Variants in CAMK2D observed in about 807,000 individuals in gnomAD.
The protein encoded by CAMK2D is calcium/calmodulin dependent protein kinase II delta.
In CAMK2D, 37 loss-of-function variants were observed where a neutral mutation model predicts 84.0. That is an observed-to-expected ratio of 0.44 (90% CI 0.34 to 0.58). The LOEUF (loss-of-function observed/expected upper bound fraction) is 0.58, where lower values mean the gene tolerates loss of function less well. CAMK2D is among the 20% of genes least tolerant of loss of function. CAMK2D has a pLI of 0.02. For missense variants in CAMK2D, 448 were observed against 652.5 expected, an observed-to-expected ratio of 0.69 and a Z score of 3.41; for synonymous variants, 202 against 212.5, an observed-to-expected ratio of 0.95 and a Z score of 0.43.
intron 16 of CAMK2D, among the ~76,000 whole-genome samples, chr4:113,497,616 ACCGGGTTACCACAGTGTTTAATC>A (rs2154146459): frequency 6.6e-6 from 1 of 152,294 alleles, no homozygotes; most frequent in South Asian, 2.1e-4. Flanking sequence ...TCTTCCTTTG[ACCGGGTTACCACAGTGTTTAATC>A]CCCTCCTCCA....
At chr4:113,623,599 C>T in intron 3 of CAMK2D, among the ~76,000 whole-genome samples, 1 of 152,134 alleles carries the variant, frequency 6.6e-6, no homozygotes, top group East Asian at 1.9e-4. Context: ...TGTTACTGTA[C>T]TGAATAAGCA....
At chr4:113,475,373 A>G (rs1015438734) in intron 16 of CAMK2D, among the ~76,000 whole-genome samples, 2 of 152,196 alleles carry the variant, frequency 1.3e-5, no homozygotes, top group African/African-American at 4.8e-5. Flanking sequence ...CATAGTATCA[A>G]CTGAACTGTT....
rs767115074 is a variant in CAMK2D, at chr4:113,515,139, T to C, written c.749A>G (p.Asn250Ser). 1.2e-5 allele frequency: 20 copies of C among 1,611,992 alleles called. No individual in the cohort carries two copies. The Admixed American group carries it at 3.2e-4, about 26-fold the overall frequency. ...TVTPEAKDLI[N>S]KMLTINPAKR... ...GGCAGGGTTGATAGTAAGCATTTTATTGATGAGGTCTTTGGCTTCAGGAGT... is the reference window on the plus strand; with the variant it reads ...GGCAGGGTTGATAGTAAGCATTTTACTGATGAGGTCTTTGGCTTCAGGAGT... Residue 250 changes from asparagine to serine, a missense_variant, in exon 10 of 21, where the codon AAT becomes AGT. By Grantham distance (46) the Asn-to-Ser change is conservative (BLOSUM62 1). Coordinates refer to ENST00000511664, the MANE Select transcript of CAMK2D (RefSeq NM_001321571.2).
intron 8 of CAMK2D, among the ~76,000 whole-genome samples, chr4:113,522,453 C>T (rs1353929795): frequency 6.6e-6 from 1 of 151,412 alleles, no homozygotes; most frequent in African/African-American, 2.5e-5. Context: ...GCTCAACTAA[C>T]ACTCTGACCT....
chr4:113,595,445 T>C (rs1221522596), intron 4 of CAMK2D, among the ~76,000 whole-genome samples: 1 of 62,848 alleles, frequency 1.6e-5, no homozygotes, highest in African/African-American at 4.3e-5. Context: ...TATGCTTGTG[T>C]GTGTGTGTGT....
At chr4:113,548,521 T>C (rs747398180) in intron 5 of CAMK2D, 10 of 544,340 alleles carry the variant, frequency 1.8e-5, no homozygotes, top group Non-Finnish European at 3.2e-6. Context: ...TCATGCATTA[T>C]CATTTCATCA....
chr4:113,514,389 G>T (rs1442768185), intron 10 of CAMK2D, among the ~76,000 whole-genome samples: 2 of 152,064 alleles, frequency 1.3e-5, no homozygotes, highest in African/African-American at 4.8e-5. Flanking sequence ...CTCCAGCCTG[G>T]GTGACAAGAG....
intron 12 of CAMK2D, among the ~76,000 whole-genome samples, chr4:113,512,883 C>G (rs2098234872): frequency 6.6e-6 from 1 of 152,068 alleles, no homozygotes; most frequent in Non-Finnish European, 1.5e-5. Flanking sequence ...TAATGGTCTT[C>G]TTTTAAAAAT....
chr4:113,647,558 T>C (rs924178151), intron 3 of CAMK2D, among the ~76,000 whole-genome samples: 7 of 152,254 alleles, frequency 4.6e-5, no homozygotes, highest in Middle Eastern at 3.2e-3. Context: ...GGCTCTTCTG[T>C]GCATTGTAGG....
rs550332706 is a variant in CAMK2D at position 113,761,452 on chromosome 4, C to T, written c.-384G>A. 297 of 1,159,700 alleles carry T rather than the reference C, an allele frequency of 2.6e-4. 4 individuals carry two copies. The South Asian group carries it at 5.2e-3, about 20-fold the overall frequency. 71.8% of individuals were successfully genotyped at this position (1,159,700 alleles called of 1,614,324 possible). On this transcript the variant is annotated 5_prime_UTR_variant, in exon 1 of 21. Transcript: ENST00000511664. ...GGACGAGTGGCAAGCAGTTGCGAAACGATCCGCACTGGAGCAGGAGGAGTA... is the reference window on the plus strand; with the variant it reads ...GGACGAGTGGCAAGCAGTTGCGAAATGATCCGCACTGGAGCAGGAGGAGTA...
chr4:113,577,865 G>C (rs1337138992), intron 4 of CAMK2D, among the ~76,000 whole-genome samples: 3 of 151,960 alleles, frequency 2.0e-5, no homozygotes, highest in Admixed American at 2.0e-4. Flanking sequence ...ACAAGACTCT[G>C]TATTTGTCAT....
chr4:113,669,444 G>A (rs1020055748), intron 2 of CAMK2D, among the ~76,000 whole-genome samples: 8 of 152,126 alleles, frequency 5.3e-5, no homozygotes, highest in Non-Finnish European at 1.2e-4. Flanking sequence ...GGGGAAAAGT[G>A]GGAGCATAAT....
intron 2 of CAMK2D, among the ~76,000 whole-genome samples, chr4:113,742,498 T>C (rs368038788): frequency 6.6e-6 from 1 of 150,722 alleles, no homozygotes; most frequent in African/African-American, 2.4e-5. Flanking sequence ...GGAAAAAACA[T>C]GGTATGTAAA....
intron 9 of CAMK2D, among the ~76,000 whole-genome samples, chr4:113,516,528 T>G (rs1209855934): frequency 6.6e-6 from 1 of 152,174 alleles, no homozygotes; most frequent in African/African-American, 2.4e-5. Context: ...GCCATGTAAA[T>G]AATAATTTGT....
intron 3 of CAMK2D, among the ~76,000 whole-genome samples, chr4:113,610,315 A>C (rs1423495176): frequency 6.6e-6 from 1 of 152,154 alleles, no homozygotes; most frequent in African/African-American, 2.4e-5. Flanking sequence ...AAAGCAACAA[A>C]GTTTTAGGAC....
intron 3 of CAMK2D, among the ~76,000 whole-genome samples, chr4:113,655,113 T>C (rs1224934297): frequency 6.6e-6 from 1 of 152,036 alleles, no homozygotes; most frequent in Non-Finnish European, 1.5e-5. Flanking sequence ...ATTCTATTGA[T>C]TCTTGGAAGG....
chr4:113,583,904 T>C (rs377684423), intron 4 of CAMK2D, among the ~76,000 whole-genome samples: 3 of 152,182 alleles, frequency 2.0e-5, no homozygotes, highest in East Asian at 1.9e-4. Flanking sequence ...TGCAGACAGA[T>C]TGAAATGCCT....
chr4:113,592,597 A>C (rs2098895371), intron 4 of CAMK2D, among the ~76,000 whole-genome samples: 1 of 152,222 alleles, frequency 6.6e-6, no homozygotes, highest in Admixed American at 6.5e-5. Context: ...CCTCAACATC[A>C]AATTCCAATG....
At chr4:113,492,052 C>T (rs991544600) in intron 16 of CAMK2D, among the ~76,000 whole-genome samples, 22 of 152,032 alleles carry the variant, frequency 1.4e-4, no homozygotes, top group African/African-American at 5.3e-4. Context: ...ATTAGTCTTC[C>T]TAGCGGTCTA....
Sources: gnomAD v4.1 joint callset for allele counts (sites outside exome capture counted in the v4.1 genomes callset) on GRCh38, gnomAD v4.1.1 for gene constraint, MANE v1.5 for transcripts, NCBI Gene and HGNC (gene_info 2026-07-23, HGNC 2026-07-21) for gene names.